RANBP2: variants seen among roughly 807,000 people sequenced by gnomAD.
RANBP2 encodes RAN binding protein 2.
In RANBP2, 57 loss-of-function variants were observed where a neutral mutation model predicts 303.6. The ratio of observed to expected loss-of-function variants is 0.19; its 90% CI spans 0.15 to 0.23. The LOEUF is 0.23. Ranked by LOEUF, RANBP2 falls within the 10% of genes least tolerant of loss-of-function variation. The pLI is 1.00. For synonymous variants in RANBP2, 1,167 were observed against 1,301.5 expected (o/e 0.90, Z 2.23); for missense variants, 3,138 against 3,780.8 (o/e 0.83, Z 4.46).
rs1558918986 is a variant in RANBP2, at chr2:108,763,802, CTGG to C, written c.3268_3270del (p.Gly1090del). On this transcript the variant is annotated inframe_deletion, in exon 20 of 29. Transcript: ENST00000283195. ...GGCTATAGTGGAGCCAAACCAATTC[CTGG>C]TGGTCAAACCATTGGGCCTCGAAAT... The C allele has an allele frequency of 6.2e-7, 1 of 1,614,088 alleles. No homozygotes were observed. The highest frequency in any genetic ancestry group is 8.5e-7 in the Non-Finnish European group (1 of 1,179,980).
At chr2:109,414,920 G>A in the RANBP2 span, among the ~76,000 whole-genome samples, 1 of 152,226 alleles carries the variant, frequency 6.6e-6, no homozygotes, top group Admixed American at 6.5e-5. Flanking sequence ...CTGAGAATGT[G>A]TCACCTCATG....
chr2:109,143,497 C>CT, the RANBP2 span, among the ~76,000 whole-genome samples: 1 of 152,082 alleles, frequency 6.6e-6, no homozygotes, highest in Non-Finnish European at 1.5e-5. Context: ...AATCTCAGAA[C>CT]TTTAGGAGGT....
At chr2:109,150,518 C>G in the RANBP2 span, among the ~76,000 whole-genome samples, 1 of 152,164 alleles carries the variant, frequency 6.6e-6, no homozygotes, top group Non-Finnish European at 1.5e-5. Context: ...TTCACTTAGT[C>G]TGTTTAACCA....
chr2:109,070,518 GGTGA>G, the RANBP2 span, among the ~76,000 whole-genome samples: 1 of 152,216 alleles, frequency 6.6e-6, no homozygotes, highest in East Asian at 1.9e-4. Flanking sequence ...TCATCTTGGT[GGTGA>G]GTGAGTTCTC....
At chr2:108,789,248 C>G (rs76653570), downstream of RANBP2, among the ~76,000 whole-genome samples, 2,010 of 152,220 alleles carry the variant, frequency 0.013, 47 homozygotes, top group African/African-American at 0.046. Flanking sequence ...GTTATTCATT[C>G]AGGACCCAAA....
the RANBP2 span, among the ~76,000 whole-genome samples, chr2:109,388,640 A>G: frequency 1.2e-4 from 19 of 152,358 alleles, no homozygotes; most frequent in African/African-American, 4.6e-4. Flanking sequence ...TCAAACACCT[A>G]TGCATGGAAT....
At chr2:109,337,902 AT>A in the RANBP2 span, among the ~76,000 whole-genome samples, 7 of 146,694 alleles carry the variant, frequency 4.8e-5, no homozygotes, top group South Asian at 2.2e-4. Context: ...TAATTTTTGT[AT>A]TTTTTTTTTG....
the RANBP2 span, among the ~76,000 whole-genome samples, chr2:109,073,408 C>T: frequency 3.3e-5 from 5 of 152,280 alleles, 1 homozygote; most frequent in South Asian, 1.0e-3. Context: ...GTGGCTCACA[C>T]CTGTAATCCC....
At chr2:109,449,236 A>C in the RANBP2 span, 1 of 1,611,556 alleles carries the variant, frequency 6.2e-7, no homozygotes, top group African/African-American at 1.3e-5. Context: ...CGCACCCAGA[A>C]CTCTCCATCC....
chr2:109,209,897 C>G, the RANBP2 span, among the ~76,000 whole-genome samples: 1 of 152,012 alleles, frequency 6.6e-6, no homozygotes, highest in East Asian at 1.9e-4. Flanking sequence ...TAAGTACGTC[C>G]CCCCTGTTTT....
At position 108,764,722 on chromosome 2, in the gene RANBP2, T is replaced by C. The variant is rs1157711861; in HGVS notation, c.4183T>C (p.Phe1395Leu). Reference protein sequence around the residue: ...LVGPPLAETVFTPKTSPENVQ... With the variant: ...LVGPPLAETVLTPKTSPENVQ... The stretch of plus-strand genomic sequence containing the variant: ...TGGCCCACCATTAGCTGAAACTGTT[T>C]TTACTCCTAAAACCAGCCCAGAGAA... The change falls in exon 20 of 29, where the codon TTT (phenylalanine) becomes CTT (leucine). Residue 1395 changes from phenylalanine (F) to leucine (L), a missense_variant. Coordinates refer to ENST00000283195, the MANE Select transcript of RANBP2 (RefSeq NM_006267.5). 7 of 1,614,004 alleles carry C rather than the reference T, an allele frequency of 4.3e-6. No homozygotes were observed. The Admixed American group carries it at 1.2e-4, about 27-fold the overall frequency.
At chr2:109,212,157 G>A in the RANBP2 span, among the ~76,000 whole-genome samples, 111 of 152,318 alleles carry the variant, frequency 7.3e-4, 1 homozygote, top group East Asian at 1.9e-4. Context: ...CTGTGGTTTT[G>A]TTTGGCTTCT....
At chr2:109,487,073 A>G in the RANBP2 span, among the ~76,000 whole-genome samples, 4 of 152,154 alleles carry the variant, frequency 2.6e-5, no homozygotes, top group African/African-American at 7.2e-5. Flanking sequence ...TTTGCAGAAG[A>G]AGGCAGTCAG....
chr2:109,066,602 C>T, the RANBP2 span, among the ~76,000 whole-genome samples: 5 of 152,156 alleles, frequency 3.3e-5, no homozygotes, highest in South Asian at 4.2e-4. Flanking sequence ...AGGTCAATTC[C>T]GATTCCATTT....
the RANBP2 span, among the ~76,000 whole-genome samples, chr2:109,550,981 T>C: frequency 6.6e-6 from 1 of 152,222 alleles, no homozygotes; most frequent in African/African-American, 2.4e-5. Flanking sequence ...ATAATAATGA[T>C]GGTCATGTAA....
At chr2:108,908,742 T>C in the RANBP2 span, among the ~76,000 whole-genome samples, 65 of 152,362 alleles carry the variant, frequency 4.3e-4, no homozygotes, top group African/African-American at 1.5e-3. Context: ...ATATTCTTTT[T>C]TAGAGGCATC....
chr2:108,936,478 GC>G, the RANBP2 span, among the ~76,000 whole-genome samples: 1 of 42,650 alleles, frequency 2.3e-5, no homozygotes, highest in Non-Finnish European at 8.9e-5. Context: ...AGAGCTGGCT[GC>G]GGGCTCCCTG....
chr2:109,574,508 A>G, the RANBP2 span: 11 of 944,176 alleles, frequency 1.2e-5, no homozygotes, highest in Non-Finnish European at 1.6e-5. Context: ...ATATATATCC[A>G]TATTGTAAAA....
the RANBP2 span, among the ~76,000 whole-genome samples, chr2:109,436,186 T>C: frequency 2.6e-5 from 4 of 152,170 alleles, no homozygotes; most frequent in Non-Finnish European, 4.4e-5. Context: ...ATGGAAGACA[T>C]TTAATTCCCC....
Sources: gnomAD v4.1 joint callset for allele counts (sites outside exome capture counted in the v4.1 genomes callset) on GRCh38, gnomAD v4.1.1 for gene constraint, MANE v1.5 for transcripts, NCBI Gene and HGNC (gene_info 2026-07-23, HGNC 2026-07-21) for gene names.